Variants in ZBED4 observed in about 807,000 individuals in gnomAD.
The protein encoded by ZBED4 is zinc finger BED domain-containing protein 4.
In ZBED4, 4 loss-of-function variants were observed where a neutral mutation model predicts 15.5. That is an observed-to-expected ratio of 0.26 (90% CI 0.13 to 0.59). The LOEUF is 0.59. Ranked by LOEUF, ZBED4 falls within the 20% of genes least tolerant of loss-of-function variation. The pLI is 0.90. For synonymous variants in ZBED4, 692 were observed against 608.5 expected (o/e 1.14, Z -2.02); for missense variants, 1,323 against 1,461.8 (o/e 0.91, Z 1.55).
chr22:49,880,592 G>A (rs1436647293), intron 1 of ZBED4, among the ~76,000 whole-genome samples: 3 of 152,208 alleles, frequency 2.0e-5, no homozygotes, highest in East Asian at 1.9e-4. Flanking sequence ...CGTGCACGGC[G>A]TCTGGCTTAT....
intron 1 of ZBED4, among the ~76,000 whole-genome samples, chr22:49,868,949 T>G (rs1245832701): frequency 1.4e-5 from 1 of 69,830 alleles, no homozygotes; most frequent in South Asian, 5.8e-4. Context: ...CTGTCTCTAC[T>G]AAAAATACAA....
At chr22:49,870,076 A>G (rs2060339619) in intron 1 of ZBED4, among the ~76,000 whole-genome samples, 1 of 152,128 alleles carries the variant, frequency 6.6e-6, no homozygotes, top group South Asian at 2.1e-4. Context: ...AACATGTGGT[A>G]TCCGGTTTTC....
intron 1 of ZBED4, among the ~76,000 whole-genome samples, chr22:49,870,899 A>G (rs1157261262): frequency 3.3e-5 from 5 of 151,890 alleles, no homozygotes; most frequent in Middle Eastern, 3.4e-3. Flanking sequence ...ACCCAAAATC[A>G]TAATTCACGT....
At chr22:49,870,522 A>G (rs2060341606) in intron 1 of ZBED4, among the ~76,000 whole-genome samples, 1 of 151,726 alleles carries the variant, frequency 6.6e-6, no homozygotes, top group South Asian at 2.1e-4. Flanking sequence ...AGCCATTGTG[A>G]CGGGTGTGAG....
chr22:49,883,436 G>C lies in ZBED4; in HGVS notation c.-227G>C, dbSNP rs529500200. On this transcript the variant is annotated 5_prime_UTR_variant, in exon 2 of 2. It removes an upstream start codon present in the reference 5' UTR. Transcript: ENST00000216268. ...CTGCACACATTGTTGTCTACACCAT[G>C]AGTGTTTAGTAGCAGGACTCTTGGA... 4.4e-4 allele frequency: 214 copies of C among 487,838 alleles called. No homozygotes were observed. Among genetic ancestry groups the C allele is most frequent in the Non-Finnish European group, 6.9e-4 (202 of 292,516 alleles). 30.2% of individuals were successfully genotyped at this position (487,838 alleles called of 1,614,324 possible). A position where few individuals can be genotyped will look rare whatever the true frequency, so the allele number is the denominator to read the frequency against.
chr22:49,883,509 C>T lies in ZBED4; in HGVS notation c.-154C>T. On this transcript the variant is annotated 5_prime_UTR_variant, in exon 2 of 2. Transcript: ENST00000216268. The stretch of plus-strand genomic sequence containing the variant: ...ACCATGAGTCACAGATTCTTTTTTT[C>T]AGTACTATTTATGATTAGCCATATT... The T allele has an allele frequency of 1.9e-6, 2 of 1,072,440 alleles. No homozygotes were observed. The highest frequency in any genetic ancestry group is 2.6e-6 in the Non-Finnish European group (2 of 782,024). 66.4% of individuals were successfully genotyped at this position (1,072,440 alleles called of 1,614,324 possible).
At chr22:49,862,131 G>A (rs1252721503) in intron 1 of ZBED4, among the ~76,000 whole-genome samples, 1 of 152,238 alleles carries the variant, frequency 6.6e-6, no homozygotes, top group Admixed American at 6.5e-5. Context: ...TGAATTGGAT[G>A]TAGCACGGAG....
At chr22:49,857,324 C>T (rs563194459) in intron 1 of ZBED4, among the ~76,000 whole-genome samples, 18 of 152,206 alleles carry the variant, frequency 1.2e-4, no homozygotes, top group Non-Finnish European at 2.5e-4. Context: ...TATGGGTACA[C>T]GGCGAGGGTG....
chr22:49,879,270 A>G (rs1046062609), intron 1 of ZBED4, among the ~76,000 whole-genome samples: 10 of 147,878 alleles, frequency 6.8e-5, no homozygotes, highest in Non-Finnish European at 1.5e-4. Context: ...GATTACAGGC[A>G]CGCGCCACCA....
rs1446097420 is a variant in ZBED4, at chr22:49,883,530, A to G, written c.-133A>G. The G allele has an allele frequency of 2.8e-5, 35 of 1,259,750 alleles. No homozygotes were observed. Among genetic ancestry groups the G allele is most frequent in the Non-Finnish European group, 3.7e-5 (35 of 938,764 alleles). 78.0% of individuals were successfully genotyped at this position (1,259,750 alleles called of 1,614,324 possible). A position where few individuals can be genotyped will look rare whatever the true frequency, so the allele number is the denominator to read the frequency against. On this transcript the variant is annotated 5_prime_UTR_variant, in exon 2 of 2. Transcript: ENST00000216268. ...TTTTCAGTACTATTTATGATTAGCC[A>G]TATTTCTAGAAACATCCTGAAAGAT...
In ZBED4 at chr22:49,885,158, G is replaced by C. The variant is rs1388109522; in HGVS notation, c.1496G>C (p.Arg499Thr). 6.2e-7 allele frequency: 1 copy of C among 1,613,434 alleles called. No individual in the cohort carries two copies. The highest frequency in any genetic ancestry group is 2.2e-5 in the East Asian group (1 of 44,816). Residue 499 changes from arginine to threonine, a missense_variant, in exon 2 of 2, where the codon AGA (arginine) becomes ACA (threonine). Physicochemically the swap from Arg to Thr is moderately conservative, Grantham distance 71. Around this residue, in one of 6 missense-constraint regions of ZBED4, gnomAD observed 429 missense variants for 397.9 expected, o/e 1.08. Coordinates refer to ENST00000216268, the MANE Select transcript of ZBED4 (RefSeq NM_014838.3). ...GATGTGGGCACCAGCTGCCTGATGAGACATCTCTACCGGCGCCATCCAGAA... is the reference window on the plus strand; with the variant it reads ...GATGTGGGCACCAGCTGCCTGATGACACATCTCTACCGGCGCCATCCAGAA... ...KGDVGTSCLM[R>T]HLYRRHPEVV...
intron 1 of ZBED4, among the ~76,000 whole-genome samples, chr22:49,861,832 C>T (rs1301273759): frequency 2.0e-5 from 3 of 152,194 alleles, no homozygotes; most frequent in South Asian, 4.1e-4. Context: ...CTGTGACTGA[C>T]GTTGCCGTGT....
At position 49,859,748 on chromosome 22, in the gene ZBED4, G is replaced by A. The variant is rs142049229; in HGVS notation, c.-330+5759G>A. ...TTCATTAAAATTATGTAGTTTTGCG[G>A]GGTGTGGTGGCTCACACCTGTAATC... On this transcript the variant is annotated intron_variant, in intron 1 of 1. Coordinates refer to ENST00000216268, the MANE Select transcript of ZBED4 (RefSeq NM_014838.3). 7.8e-3 allele frequency among the ~76,000 whole-genome samples: 1,193 copies of A among 152,312 alleles called. 12 individuals are homozygous for A. Among genetic ancestry groups the A allele is most frequent in the South Asian group, 0.061 (296 of 4,814 alleles).
chr22:49,877,528 G>A (rs5769765), intron 1 of ZBED4, among the ~76,000 whole-genome samples: 97,797 of 151,974 alleles, frequency 0.64, 35,660 homozygotes, highest in East Asian at 0.85. Context: ...CTGACCTCGT[G>A]TGATCCCTCC....
chr22:49,876,313 A>C (rs2060376111), intron 1 of ZBED4, among the ~76,000 whole-genome samples: 1 of 152,114 alleles, frequency 6.6e-6, no homozygotes, highest in East Asian at 1.9e-4. Context: ...TGTTGTTTGA[A>C]TCTTCCGTGT....
intron 1 of ZBED4, among the ~76,000 whole-genome samples, chr22:49,864,874 C>G (rs1054022308): frequency 1.5e-5 from 2 of 135,922 alleles, no homozygotes; most frequent in African/African-American, 3.0e-5. Context: ...TGAAAGATTG[C>G]GAGTCAAACC....
intron 1 of ZBED4, among the ~76,000 whole-genome samples, chr22:49,872,748 A>G (rs556570128): frequency 6.6e-6 from 1 of 150,570 alleles, no homozygotes; most frequent in East Asian, 2.0e-4. Flanking sequence ...TCCATCGCCC[A>G]GGCTGGAGTG....
intron 1 of ZBED4, among the ~76,000 whole-genome samples, chr22:49,882,285 C>T (rs890476633): frequency 1.3e-5 from 2 of 152,182 alleles, no homozygotes; most frequent in Non-Finnish European, 2.9e-5. Context: ...GGCGCATTGG[C>T]TCGCGCATAT....
rs758628153 is a variant in ZBED4, at chr22:49,885,691, G to C, written c.2029G>C (p.Asp677His). Residue 677 changes from aspartate (D) to histidine (H), a missense_variant, in exon 2 of 2, where the codon GAC (aspartate) becomes CAC (histidine). Asp to His is a moderately conservative substitution (Grantham distance 81). Transcript: ENST00000216268. ...TGACCTCCAGCCATATTCTTTTGTAGACAACGTTGGCTTTAACAGGCTGCT... is the reference window on the plus strand; with the variant it reads ...TGACCTCCAGCCATATTCTTTTGTACACAACGTTGGCTTTAACAGGCTGCT... The part of the protein sequence containing the change: ...ALDLQPYSFV[D>H]NVGFNRLLEY... The C allele has an allele frequency of 1.9e-6, 3 of 1,611,100 alleles. No individual in the cohort carries two copies. The African/African-American group carries it at 4.0e-5, about 22-fold the overall frequency.
Sources: allele counts gnomAD v4.1 joint callset (sites outside exome capture counted in the v4.1 genomes callset), GRCh38; gene constraint gnomAD v4.1.1; regional missense constraint gnomAD v4.1.1; transcripts MANE v1.5; gene names NCBI Gene and HGNC (gene_info 2026-07-23, HGNC 2026-07-21).